KCNN2: variants seen among roughly 807,000 people sequenced by gnomAD.
KCNN2 encodes small conductance calcium-activated potassium channel protein 2.
KCNN2 carries 24 observed loss-of-function variants against 55.5 expected under a neutral mutation model. The observed-to-expected ratio is 0.43, with a 90% CI of 0.31 to 0.61. The LOEUF (loss-of-function observed/expected upper bound fraction) is 0.61, where lower values mean the gene tolerates loss of function less well. Ranked by LOEUF, KCNN2 falls within the 20% of genes least tolerant of loss-of-function variation. The pLI, the probability that KCNN2 is intolerant of heterozygous loss-of-function variation, is 0.08. For synonymous variants in KCNN2, 431 were observed against 336.1 expected, an observed-to-expected ratio of 1.28 and a Z score of -3.09; for missense variants, 754 against 853.6, an observed-to-expected ratio of 0.88 and a Z score of 1.45.
At chr5:114,162,169 G>T (rs1752800243) in intron 1 of KCNN2, among the ~76,000 whole-genome samples, 1 of 152,170 alleles carries the variant, frequency 6.6e-6, no homozygotes, top group Non-Finnish European at 1.5e-5. Context: ...GTGATGTACA[G>T]ACGGGTTTTT....
chr5:114,155,118 A>G (rs1752603244), intron 1 of KCNN2, among the ~76,000 whole-genome samples: 1 of 151,852 alleles, frequency 6.6e-6, no homozygotes, highest in Non-Finnish European at 1.5e-5. Context: ...AGCTACTACT[A>G]CTAAGTGAGA....
chr5:114,230,403 AG>A (rs1326378096), intron 2 of KCNN2, among the ~76,000 whole-genome samples: 1 of 138,398 alleles, frequency 7.2e-6, no homozygotes, highest in Non-Finnish European at 1.5e-5. Context: ...ATCTAGCCTT[AG>A]GTATATCTCC....
intron 2 of KCNN2, among the ~76,000 whole-genome samples, chr5:114,311,807 T>C (rs1352824695): frequency 6.6e-6 from 1 of 152,170 alleles, no homozygotes; most frequent in Non-Finnish European, 1.5e-5. Flanking sequence ...CTTTGCCACC[T>C]TCTGTATTTG....
In KCNN2 at chr5:114,268,026, C is replaced by T. The variant is rs549704741; in HGVS notation, c.-185+46461C>T. On this transcript the variant is annotated intron_variant, in intron 2 of 10. Transcript: ENST00000512097. ...GCCAAAACACCTTAAATGCCACTTC[C>T]TTCTGATCCCACCCTAGCACTTCCC... 9.8e-4 allele frequency among the ~76,000 whole-genome samples: 150 copies of T among 152,300 alleles called. 1 individual carries two copies. The highest frequency in any genetic ancestry group is 1.8e-3 in the Non-Finnish European group (124 of 68,028).
chr5:114,098,876 G>C (rs115052851), intron 1 of KCNN2, among the ~76,000 whole-genome samples: 1 of 152,168 alleles, frequency 6.6e-6, no homozygotes, highest in East Asian at 1.9e-4. Context: ...TGAATCTAGG[G>C]CTTTGGCTCC....
intron 2 of KCNN2, among the ~76,000 whole-genome samples, chr5:114,259,584 C>T (rs946370502): frequency 2.0e-5 from 3 of 151,890 alleles, no homozygotes; most frequent in Non-Finnish European, 2.9e-5. Context: ...CTAACCTGCA[C>T]GTTGTGCACA....
chr5:114,229,292 T>A (rs1038748555), intron 2 of KCNN2, among the ~76,000 whole-genome samples: 15 of 151,614 alleles, frequency 9.9e-5, no homozygotes, highest in South Asian at 4.2e-4. Flanking sequence ...ATCCCTGCTT[T>A]TTTTTTTTAA....
chr5:114,362,443 C>G lies in KCNN2; in HGVS notation c.304C>G (p.Arg102Gly), dbSNP rs1000801595. The change falls in exon 1 of 8, where the codon CGC becomes GGC. Residue 102 changes from arginine (R) to glycine (G), a missense_variant. Around this residue, in one of 4 missense-constraint regions of KCNN2, gnomAD observed 381 missense variants for 259.1 expected, o/e 1.47. Coordinates refer to ENST00000673685, the MANE Select transcript of KCNN2 (RefSeq NM_021614.4). ...TSSPGGAFRT[R>G]TSSPLSGSSC... is the part of the protein sequence containing the mutation. The stretch of plus-strand genomic sequence containing the variant: ...CTCGCCCGGCGGCGCCTTCCGGACC[C>G]GCACCTCCTCGCCGCTGTCGGGCTC... 48 of 380,550 alleles carry G rather than the reference C, an allele frequency of 1.3e-4. No homozygotes were observed. Among genetic ancestry groups the G allele is most frequent in the Admixed American group, 3.3e-4 (7 of 20,900 alleles). The allele number at this position is 380,550 out of a possible 1,614,324, so 23.6% of individuals were successfully genotyped here. A position where few individuals can be genotyped will look rare whatever the true frequency, so the allele number is the denominator to read the frequency against.
At chr5:114,100,580 G>A (rs1168865894) in intron 1 of KCNN2, among the ~76,000 whole-genome samples, 2 of 152,028 alleles carry the variant, frequency 1.3e-5, no homozygotes, top group Admixed American at 1.3e-4. Flanking sequence ...ATCCATGTGG[G>A]TATGTGTGTG....
intron 3 of KCNN2, among the ~76,000 whole-genome samples, chr5:114,438,909 T>C (rs1445151240): frequency 6.6e-6 from 1 of 152,234 alleles, no homozygotes; most frequent in Non-Finnish European, 1.5e-5. Flanking sequence ...ATGAGTGCGT[T>C]GGAAAGCACA....
chr5:114,473,342 C>A, intron 5 of KCNN2, 178 bp downstream of exon 5: 1 of 594,748 alleles, frequency 1.7e-6, no homozygotes. Context: ...ACCTTGAGGT[C>A]AGTTAGGAAG....
chr5:114,466,474 A>AATAT (rs10577661), intron 4 of KCNN2, among the ~76,000 whole-genome samples: 8 of 149,598 alleles, frequency 5.3e-5, no homozygotes, highest in African/African-American at 1.7e-4. Flanking sequence ...TCTTCCTAGA[A>AATAT]ATATATATAT....
chr5:114,151,813 C>T (rs1029654289), intron 1 of KCNN2, among the ~76,000 whole-genome samples: 3 of 152,040 alleles, frequency 2.0e-5, no homozygotes, highest in East Asian at 3.9e-4. Flanking sequence ...AAAAAAAAAT[C>T]TCTCCATGGT....
chr5:114,414,821 T>G (rs1759256237), intron 3 of KCNN2, among the ~76,000 whole-genome samples: 1 of 152,200 alleles, frequency 6.6e-6, no homozygotes, highest in Non-Finnish European at 1.5e-5. Flanking sequence ...TAAAACAACT[T>G]TATTGAGGTA....
chr5:114,304,872 T>C (rs1756236381), intron 2 of KCNN2, among the ~76,000 whole-genome samples: 1 of 152,202 alleles, frequency 6.6e-6, no homozygotes, highest in African/African-American at 2.4e-5. Flanking sequence ...CTGTGCTTGC[T>C]TTTGAGTGTT....
chr5:114,134,576 AGCCATTCTCCT>A (rs916783564), intron 1 of KCNN2, among the ~76,000 whole-genome samples: 141 of 151,692 alleles, frequency 9.3e-4, no homozygotes, highest in African/African-American at 3.3e-3. Context: ...TCCGAGTTCA[AGCCATTCTCCT>A]GCCTAAGCCT....
chr5:114,167,830 CCCATA>C, intron 1 of KCNN2, among the ~76,000 whole-genome samples: 1 of 152,202 alleles, frequency 6.6e-6, no homozygotes, highest in Non-Finnish European at 1.5e-5. Flanking sequence ...TGCAGCCCAT[CCCATA>C]CTTTTCAAGC....
intron 3 of KCNN2, among the ~76,000 whole-genome samples, chr5:114,455,013 C>T (rs1222361409): frequency 6.6e-6 from 1 of 151,998 alleles, no homozygotes; most frequent in South Asian, 2.1e-4. Context: ...ATTTCTGGCT[C>T]TCTTGGGATT....
chr5:114,442,002 A>G (rs1760233020), intron 3 of KCNN2, among the ~76,000 whole-genome samples: 1 of 152,176 alleles, frequency 6.6e-6, no homozygotes, highest in Admixed American at 6.5e-5. Context: ...TCTGCCTTTC[A>G]TTGCATACTA....
Sources: gnomAD v4.1 joint callset for allele counts (sites outside exome capture counted in the v4.1 genomes callset) on GRCh38, gnomAD v4.1.1 for gene constraint, gnomAD v4.1.1 regional missense constraint, MANE v1.5 for transcripts, NCBI Gene and HGNC (gene_info 2026-07-23, HGNC 2026-07-21) for gene names.